TMEM114: variants seen among roughly 807,000 people sequenced by gnomAD.
TMEM114 encodes the protein transmembrane protein 114.
In TMEM114, 6 loss-of-function variants were observed where a neutral mutation model predicts 6.2. The observed-to-expected ratio is 0.97, with a 90% CI of 0.53 to 1.91. TMEM114 has a LOEUF of 1.91. TMEM114 is among the 40% of genes most tolerant of loss of function. The pLI is 0.01. For missense variants in TMEM114, 218 were observed against 158.3 expected (o/e 1.38, Z -2.02); for synonymous variants, 104 against 73.0 (o/e 1.42, Z -2.16).
intron 2 of TMEM114, among the ~76,000 whole-genome samples, chr16:8,541,418 T>TA (rs111828329): frequency 0.013 from 1,922 of 150,838 alleles, 35 homozygotes; most frequent in African/African-American, 0.045. Flanking sequence ...TATCTCAGGA[T>TA]AAAAAAAAAT....
intron 2 of TMEM114, among the ~76,000 whole-genome samples, chr16:8,588,131 T>A (rs1056029260): frequency 9.9e-5 from 15 of 151,764 alleles, no homozygotes; most frequent in Non-Finnish European, 1.9e-4. Context: ...ACTAGAAATA[T>A]GAAAAATTAG....
chr16:8,557,258 A>G (rs1901044436), intron 2 of TMEM114, among the ~76,000 whole-genome samples: 1 of 152,166 alleles, frequency 6.6e-6, no homozygotes, highest in Admixed American at 6.5e-5. Flanking sequence ...AAAAGGTAAC[A>G]CAACTTCCAC....
chr16:8,585,352 T>G (rs561017409), intron 2 of TMEM114, among the ~76,000 whole-genome samples: 40 of 152,344 alleles, frequency 2.6e-4, no homozygotes, highest in Non-Finnish European at 3.5e-4. Flanking sequence ...GTCCTCCATC[T>G]GCCAGGTGAT....
downstream of TMEM114, among the ~76,000 whole-genome samples, chr16:8,564,629 G>GTAAA (rs1399627136): frequency 9.3e-5 from 14 of 151,216 alleles, 1 homozygote; most frequent in Admixed American, 2.0e-4. Flanking sequence ...GAATGAGTGA[G>GTAAA]TGAGTGAATG....
At chr16:8,549,886 C>T (rs1466891858) in intron 2 of TMEM114, among the ~76,000 whole-genome samples, 1 of 152,086 alleles carries the variant, frequency 6.6e-6, no homozygotes, top group Non-Finnish European at 1.5e-5. Flanking sequence ...AAGGTGAAGT[C>T]CCCCCACAGT....
intron 2 of TMEM114, among the ~76,000 whole-genome samples, chr16:8,563,442 T>G (rs1396328567): frequency 6.0e-5 from 9 of 149,142 alleles, no homozygotes; most frequent in Non-Finnish European, 7.4e-5. Flanking sequence ...AGGCAATGAG[T>G]AAGTGAATGA....
chr16:8,545,467 C>T (rs1900637459), intron 2 of TMEM114, among the ~76,000 whole-genome samples: 1 of 152,090 alleles, frequency 6.6e-6, no homozygotes, highest in African/African-American at 2.4e-5. Flanking sequence ...TCATCATCAC[C>T]ATCATCACCA....
rs1901663961 is a variant in TMEM114, at chr16:8,569,788, C to T, written c.657G>A (p.Gln219=). The T allele has an allele frequency of 1.3e-6, 2 of 1,550,414 alleles. No individual in the cohort carries two copies. The highest frequency in any genetic ancestry group is 2.4e-5 in the South Asian group (2 of 84,028). Residue 219 remains glutamine, a synonymous_variant, in exon 4 of 4, where the codon CAG becomes CAA. Transcript: ENST00000620492. ...GCGCCCAGGCTCATATGGCCTGGTC[C>T]TGCCTCCGTCTCAGGCTGAGCTCGC... ...AARELSLRRR[Q]DQAI
chr16:8,532,674 C>G (rs1046288059), downstream of TMEM114, among the ~76,000 whole-genome samples: 1 of 152,210 alleles, frequency 6.6e-6, no homozygotes, highest in Admixed American at 6.5e-5. Flanking sequence ...CCTGTAATCC[C>G]AGCACTTTGG....
intron 2 of TMEM114, among the ~76,000 whole-genome samples, chr16:8,562,126 G>A (rs889594441): frequency 2.0e-5 from 3 of 151,914 alleles, no homozygotes; most frequent in Non-Finnish European, 2.9e-5. Context: ...GTAAGTGAAT[G>A]AGTGAGTGAA....
intron 2 of TMEM114, among the ~76,000 whole-genome samples, chr16:8,588,309 C>T (rs1299671248): frequency 6.6e-6 from 1 of 151,134 alleles, no homozygotes; most frequent in Non-Finnish European, 1.5e-5. Flanking sequence ...AAAACCTGCC[C>T]ACATTTTCAA....
intron 2 of TMEM114, among the ~76,000 whole-genome samples, chr16:8,543,744 A>C (rs1475077741): frequency 6.6e-6 from 1 of 152,204 alleles, no homozygotes; most frequent in Non-Finnish European, 1.5e-5. Flanking sequence ...CCTCCTGTAG[A>C]ATGTGAATGT....
chr16:8,541,018 G>C (rs984886721), intron 2 of TMEM114, among the ~76,000 whole-genome samples: 1 of 152,136 alleles, frequency 6.6e-6, no homozygotes, highest in African/African-American at 2.4e-5. Context: ...AGACTACAAC[G>C]GGGAGTGTAG....
chr16:8,560,824 G>A (rs1901174370), intron 2 of TMEM114, among the ~76,000 whole-genome samples: 1 of 152,290 alleles, frequency 6.6e-6, no homozygotes, highest in South Asian at 2.1e-4. Flanking sequence ...GAGGCTGGGT[G>A]TATTAGTCTG....
chr16:8,574,808 C>G (rs529857100), intron 2 of TMEM114, among the ~76,000 whole-genome samples: 31 of 152,234 alleles, frequency 2.0e-4, no homozygotes, highest in African/African-American at 7.0e-4. Context: ...CTGCAAGCTG[C>G]CTTGATGTCC....
At chr16:8,563,777 ATGAC>A (rs199674028) in intron 2 of TMEM114, among the ~76,000 whole-genome samples, 18,432 of 87,190 alleles carry the variant, frequency 0.21, 5 homozygotes, top group East Asian at 0.39. Flanking sequence ...GAGTGAGTGA[ATGAC>A]TGAGTGAGTA....
In TMEM114 at chr16:8,590,068, TC is replaced by T; in HGVS notation, c.-231del. 1 of 373,200 alleles carries T rather than the reference TC, an allele frequency of 2.7e-6. No individual in the cohort carries two copies. Among genetic ancestry groups the T allele is most frequent in the Non-Finnish European group, 4.7e-6 (1 of 210,608 alleles). 23.1% of individuals were successfully genotyped at this position (373,200 alleles called of 1,614,324 possible). A position where few individuals can be genotyped will look rare whatever the true frequency, so the allele number is the denominator to read the frequency against. ...CCCCCCGCTCAGCCGCCGTCCACGT[TC>T]CCACCCCTCCAATGCCAGCTCTACC... On this transcript the variant is annotated 5_prime_UTR_variant, in exon 1 of 4. Coordinates refer to ENST00000620492, the MANE Select transcript of TMEM114 (RefSeq NM_001146336.2).
chr16:8,571,022 G>C (rs891806074), intron 3 of TMEM114, among the ~76,000 whole-genome samples: 18 of 152,032 alleles, frequency 1.2e-4, no homozygotes, highest in African/African-American at 4.4e-4. Context: ...ATAGTGAGTG[G>C]TTAGAGGAGA....
chr16:8,551,008 C>G (rs7190362), intron 2 of TMEM114, among the ~76,000 whole-genome samples: 68,332 of 152,000 alleles, frequency 0.45, 16,074 homozygotes, highest in Middle Eastern at 0.57. Context: ...TAACCCTAAA[C>G]GAGTTCAAAG....
Sources: allele counts gnomAD v4.1 joint callset (sites outside exome capture counted in the v4.1 genomes callset), GRCh38; gene constraint gnomAD v4.1.1; transcripts MANE v1.5; gene names NCBI Gene and HGNC (gene_info 2026-07-23, HGNC 2026-07-21).